Variants in TCF4 observed in about 807,000 individuals in gnomAD.
The protein encoded by TCF4 is SL3-3 enhancer factor 2.
A neutral mutation model predicts 82.1 loss-of-function variants in TCF4; 3 were observed. That is an observed-to-expected ratio of 0.04 (90% CI 0.02 to 0.09). The LOEUF is 0.09. Ranked by LOEUF, TCF4 falls within the 10% of genes least tolerant of loss-of-function variation. The pLI is 1.00. For missense variants in TCF4, 518 were observed against 852.7 expected, an observed-to-expected ratio of 0.61 and a Z score of 4.89; for synonymous variants, 276 against 309.6, an observed-to-expected ratio of 0.89 and a Z score of 1.14.
chr18:55,514,443 AC>A (rs2096860584), intron 3 of TCF4, among the ~76,000 whole-genome samples: 2 of 104,382 alleles, frequency 1.9e-5, no homozygotes, highest in African/African-American at 3.2e-5. Flanking sequence ...ACACACACAC[AC>A]ACCCCAATCA....
intron 3 of TCF4, among the ~76,000 whole-genome samples, chr18:55,501,152 G>A (rs1031399879): frequency 2.9e-4 from 44 of 152,026 alleles, no homozygotes; most frequent in African/African-American, 1.0e-3. Context: ...CAACATCAAT[G>A]CAAAAAGTGA....
chr18:55,290,022 T>G (rs2064682554), intron 8 of TCF4, among the ~76,000 whole-genome samples: 1 of 152,172 alleles, frequency 6.6e-6, no homozygotes, highest in South Asian at 2.1e-4. Context: ...CACGTCAAAC[T>G]AAGAATAACA....
chr18:55,302,231 A>G (rs530898707), intron 8 of TCF4, among the ~76,000 whole-genome samples: 219 of 152,360 alleles, frequency 1.4e-3, no homozygotes, highest in Non-Finnish European at 2.7e-3. Flanking sequence ...GGACGTGAGC[A>G]GATGAAGGTG....
intron 6 of TCF4, among the ~76,000 whole-genome samples, chr18:55,373,219 C>G (rs1260509234): frequency 6.6e-6 from 1 of 151,280 alleles, no homozygotes; most frequent in Non-Finnish European, 1.5e-5. Flanking sequence ...AATATAAAAT[C>G]TACAAAAATA....
intron 8 of TCF4, among the ~76,000 whole-genome samples, chr18:55,293,962 T>TC (rs2065797458): frequency 7.3e-6 from 1 of 137,910 alleles, no homozygotes; most frequent in Non-Finnish European, 1.5e-5. Flanking sequence ...TTTTTTTTTT[T>TC]TAGAATTCAT....
At chr18:55,631,461 A>C (rs2097731554) in intron 1 of TCF4, 1 of 1,461,136 alleles carries the variant, frequency 6.8e-7, no homozygotes, top group Admixed American at 2.0e-5. Context: ...TGGTACTGGT[A>C]GTCTGGGGAA....
chr18:55,592,524 G>C (rs1018662312), upstream of TCF4, among the ~76,000 whole-genome samples: 2 of 152,076 alleles, frequency 1.3e-5, no homozygotes, highest in African/African-American at 4.8e-5. Flanking sequence ...ATCTCCCAAA[G>C]ACCCCACCTC....
intron 3 of TCF4, among the ~76,000 whole-genome samples, chr18:55,529,473 G>A (rs1379817527): frequency 6.6e-6 from 1 of 152,174 alleles, no homozygotes; most frequent in East Asian, 1.9e-4. Flanking sequence ...ACGAGAGAAT[G>A]TATGAACGAA....
intron 5 of TCF4, among the ~76,000 whole-genome samples, chr18:55,438,614 A>C (rs1250858049): frequency 6.6e-6 from 1 of 152,228 alleles, no homozygotes; most frequent in Non-Finnish European, 1.5e-5. Flanking sequence ...GTTTCAACTA[A>C]AAGACACCAC....
intron 3 of TCF4, among the ~76,000 whole-genome samples, chr18:55,515,854 T>A (rs899940407): frequency 1.3e-5 from 2 of 152,130 alleles, no homozygotes; most frequent in Non-Finnish European, 2.9e-5. Context: ...TAAAAATCCA[T>A]CTTTAATTTT....
At chr18:55,582,019 C>A (rs1020213976) in intron 3 of TCF4, among the ~76,000 whole-genome samples, 1 of 152,044 alleles carries the variant, frequency 6.6e-6, no homozygotes, top group African/African-American at 2.4e-5. Flanking sequence ...CTAACAAGTT[C>A]TTTAGAATGT....
At chr18:55,592,173 G>C (rs1425197497), upstream of TCF4, among the ~76,000 whole-genome samples, 1 of 152,150 alleles carries the variant, frequency 6.6e-6, no homozygotes, top group Non-Finnish European at 1.5e-5. Context: ...GTTTTGGGAT[G>C]CCTCTTCAAT....
chr18:55,392,203 G>C (rs1287474178), intron 6 of TCF4, among the ~76,000 whole-genome samples: 2 of 151,060 alleles, frequency 1.3e-5, no homozygotes, highest in Non-Finnish European at 2.9e-5. Flanking sequence ...GTCCTCAAGT[G>C]ATCCACCCAC....
Position 55,374,903 on chromosome 18 carries a change from G to T in TCF4, c.370-23900C>A, listed in dbSNP as rs896007385. Among the ~76,000 whole-genome samples the T allele has an allele frequency of 1.8e-4, 25 of 139,500 alleles. 1 individual carries two copies. Among genetic ancestry groups the T allele is most frequent in the Non-Finnish European group, 3.1e-5 (2 of 65,238 alleles). The allele number at this position is 139,500 out of a possible 152,430, so 91.5% of individuals were successfully genotyped here. A position where few individuals can be genotyped will look rare whatever the true frequency, so the allele number is the denominator to read the frequency against. On this transcript the variant is annotated intron_variant, in intron 6 of 19. Coordinates refer to ENST00000354452, the MANE Select transcript of TCF4 (RefSeq NM_001083962.2). ...AAAAAAAAAAAAAAAAAAGTCCCATGCAATTTCCCCCAAATATCAAAAATT... is the reference window on the plus strand; with the variant it reads ...AAAAAAAAAAAAAAAAAAGTCCCATTCAATTTCCCCCAAATATCAAAAATT...
At chr18:55,453,659 T>A (rs1428005993) in intron 5 of TCF4, among the ~76,000 whole-genome samples, 1 of 152,110 alleles carries the variant, frequency 6.6e-6, no homozygotes, top group East Asian at 1.9e-4. Context: ...TTAGCTGTGC[T>A]ATATCACAGA....
intron 3 of TCF4, among the ~76,000 whole-genome samples, chr18:55,579,530 A>G (rs935529696): frequency 3.3e-5 from 5 of 152,006 alleles, no homozygotes; most frequent in Non-Finnish European, 7.4e-5. Context: ...GTCTGTATAA[A>G]ATCTGACTTA....
At chr18:55,525,329 TAAAG>T (rs1211733730) in intron 3 of TCF4, among the ~76,000 whole-genome samples, 1 of 152,042 alleles carries the variant, frequency 6.6e-6, no homozygotes, top group Non-Finnish European at 1.5e-5. Context: ...TGACTCTCTA[TAAAG>T]AAAAATACTC....
chr18:55,257,220 CAG>C (rs1166107136), intron 14 of TCF4, 93 bp downstream of exon 14: 2 of 1,307,962 alleles, frequency 1.5e-6, no homozygotes, highest in Non-Finnish European at 2.2e-6. Context: ...AAGTTACTAA[CAG>C]GGAAAATCAA....
chr18:55,434,375 T>A (rs1243481136), intron 5 of TCF4, among the ~76,000 whole-genome samples: 1 of 152,026 alleles, frequency 6.6e-6, no homozygotes, highest in African/African-American at 2.4e-5. Context: ...CAAGGAAGAA[T>A]TCTGGTTCTG....
Sources: allele counts gnomAD v4.1 joint callset (sites outside exome capture counted in the v4.1 genomes callset), GRCh38; gene constraint gnomAD v4.1.1; transcripts MANE v1.5; gene names NCBI Gene and HGNC (gene_info 2026-07-23, HGNC 2026-07-21).